The following ARHGEF11 variants were observed in gnomAD, a reference collection of about 807,000 sequenced individuals.
ARHGEF11 encodes Rho guanine nucleotide exchange factor 11.
Under a neutral mutation model 193.7 loss-of-function variants are expected in ARHGEF11, and 55 were observed. The observed-to-expected ratio is 0.28, with a 90% CI of 0.23 to 0.36. The LOEUF (loss-of-function observed/expected upper bound fraction) is 0.36. ARHGEF11 is among the 10% of genes least tolerant of loss of function. The pLI is 1.00. For synonymous variants in ARHGEF11, 693 were observed against 768.0 expected, an observed-to-expected ratio of 0.90 and a Z score of 1.62; for missense variants, 1,723 against 2,005.6, an observed-to-expected ratio of 0.86 and a Z score of 2.69.
At chr1:156,976,674 T>C (rs746111112) in intron 7 of ARHGEF11, among the ~76,000 whole-genome samples, 49 of 152,184 alleles carry the variant, frequency 3.2e-4, no homozygotes, top group Non-Finnish European at 2.1e-4. Context: ...TACCCATCCC[T>C]TTCTTCCCTC....
rs182486260 is a variant in ARHGEF11, at chr1:157,026,095, T to C, written c.32+18204A>G. Among the ~76,000 whole-genome samples the C allele has an allele frequency of 2.5e-3, 375 of 152,302 alleles. 2 individuals carry two copies. The highest frequency in any genetic ancestry group is 4.3e-3 in the Non-Finnish European group (293 of 68,024). On this transcript the variant is annotated intron_variant, in intron 1 of 40. Transcript: ENST00000368194. ...AAAATAAAATGAAGCCAATTCTCAG[T>C]GAAGAGTCCCTGATGACGTAAGTAT...
At chr1:156,939,950 T>C (rs1180253776) in intron 36 of ARHGEF11, 40 bp from the exon 37 acceptor site, 1 of 1,589,400 alleles carries the variant, frequency 6.3e-7, no homozygotes, top group Non-Finnish European at 8.5e-7. Flanking sequence ...AGCATGGGAC[T>C]GCACACCACG....
intron 21 of ARHGEF11, 27 bp from the exon 22 acceptor site, chr1:156,951,726 A>C (rs1273502867): frequency 1.9e-6 from 3 of 1,613,634 alleles, no homozygotes; most frequent in Non-Finnish European, 8.5e-7. Flanking sequence ...AATGAAGGAC[A>C]CTAGGCTTGC....
intron 22 of ARHGEF11, chr1:156,949,135 G>T (rs1000592788): frequency 2.0e-6 from 2 of 984,434 alleles, no homozygotes; most frequent in Non-Finnish European, 2.4e-6. Context: ...CTGTTCCTAA[G>T]ATTCCATTTC....
At chr1:156,936,459 A>T (rs1655146574) in intron 40 of ARHGEF11, among the ~76,000 whole-genome samples, 1 of 135,844 alleles carries the variant, frequency 7.4e-6, no homozygotes, top group Admixed American at 7.9e-5. Context: ...TAGCCAGGCC[A>T]GCCCTTGTCT....
At chr1:156,974,732 C>A (rs1368159061) in intron 7 of ARHGEF11, among the ~76,000 whole-genome samples, 1 of 152,188 alleles carries the variant, frequency 6.6e-6, no homozygotes, top group Non-Finnish European at 1.5e-5. Context: ...CTGCATATTT[C>A]GGACACTCCA....
At chr1:156,944,680 C>T (rs1189366459) in intron 30 of ARHGEF11, among the ~76,000 whole-genome samples, 1 of 152,212 alleles carries the variant, frequency 6.6e-6, no homozygotes, top group African/African-American at 2.4e-5. Flanking sequence ...CTACCACGTG[C>T]CAGCTACAGT....
intron 1 of ARHGEF11, among the ~76,000 whole-genome samples, chr1:156,989,599 C>T (rs1223078624): frequency 4.6e-5 from 7 of 152,214 alleles, no homozygotes; most frequent in Non-Finnish European, 8.8e-5. Flanking sequence ...GGATCCTAAG[C>T]GATGCTATAC....
chr1:156,951,429 T>C (rs1191535031), intron 22 of ARHGEF11, 144 bp downstream of exon 22: 9 of 1,089,512 alleles, frequency 8.3e-6, no homozygotes, highest in Non-Finnish European at 1.2e-5. Flanking sequence ...CTCCTGAAGA[T>C]ACTGGGGGTG....
At chr1:157,029,155 G>C (rs1670993726) in intron 1 of ARHGEF11, among the ~76,000 whole-genome samples, 1 of 141,096 alleles carries the variant, frequency 7.1e-6, no homozygotes, top group African/African-American at 2.7e-5. Flanking sequence ...CAACTGAAGT[G>C]AGACCCTGTC....
At chr1:156,986,017 C>G in intron 2 of ARHGEF11, 65 bp downstream of exon 2, 1 of 1,374,428 alleles carries the variant, frequency 7.3e-7, no homozygotes, top group Non-Finnish European at 1.0e-6. Context: ...TCCCAAGTAG[C>G]TGGGAATACA....
In ARHGEF11 at chr1:156,977,062, T is replaced by C. The variant is rs757171503; in HGVS notation, c.511-8A>G. ...TTTTTGAACTTCGGGATCCTAGACA[T>C]GGAAAATATGGCAATATAAGAGTTA... On this transcript the variant is annotated splice_region_variant and splice_polypyrimidine_tract_variant and intron_variant, in intron 6 of 40. Coordinates refer to ENST00000368194, the MANE Select transcript of ARHGEF11 (RefSeq NM_198236.3). 2 of 1,613,042 alleles carry C rather than the reference T, an allele frequency of 1.2e-6. No homozygotes were observed. Among genetic ancestry groups the C allele is most frequent in the African/African-American group, 2.7e-5 (2 of 74,894 alleles).
intron 1 of ARHGEF11, among the ~76,000 whole-genome samples, chr1:157,017,708 A>G (rs1455376762): frequency 1.4e-5 from 2 of 139,450 alleles, no homozygotes; most frequent in Non-Finnish European, 3.0e-5. Context: ...CTCCGTCTCA[A>G]AAAAAAAAAA....
chr1:157,026,047 C>A (rs191041791), intron 1 of ARHGEF11, among the ~76,000 whole-genome samples: 4 of 152,296 alleles, frequency 2.6e-5, no homozygotes, highest in Non-Finnish European at 5.9e-5. Context: ...CTACATTCAC[C>A]AAATATTTGA....
intron 1 of ARHGEF11, among the ~76,000 whole-genome samples, chr1:157,031,769 C>T (rs1671340014): frequency 6.6e-6 from 1 of 152,180 alleles, no homozygotes; most frequent in African/African-American, 2.4e-5. Flanking sequence ...ACCCCTTGAG[C>T]AGAGAAGCCA....
chr1:156,959,273 T>G (rs1415595178), intron 15 of ARHGEF11, 131 bp from the exon 16 acceptor site: 1 of 736,492 alleles, frequency 1.4e-6, no homozygotes, highest in Non-Finnish European at 2.3e-6. Flanking sequence ...TCTGCCCTGT[T>G]AGTCTAAAAG....
chr1:156,956,928 A>G (rs1660040139), intron 18 of ARHGEF11, among the ~76,000 whole-genome samples: 1 of 152,148 alleles, frequency 6.6e-6, no homozygotes, highest in Admixed American at 6.5e-5. Context: ...GCAGATGTGG[A>G]GGACTGGCTG....
intron 1 of ARHGEF11, among the ~76,000 whole-genome samples, chr1:157,031,249 G>A (rs1413445664): frequency 6.6e-6 from 1 of 152,118 alleles, no homozygotes; most frequent in Non-Finnish European, 1.5e-5. Context: ...CAAATGGGAA[G>A]GAGGATCTTA....
At chr1:156,983,501 C>T (rs1360432561) in intron 3 of ARHGEF11, among the ~76,000 whole-genome samples, 2 of 152,228 alleles carry the variant, frequency 1.3e-5, no homozygotes, top group African/African-American at 2.4e-5. Flanking sequence ...AGATTACAGG[C>T]GTGAGCCACC....
Sources: gnomAD v4.1 joint callset for allele counts (sites outside exome capture counted in the v4.1 genomes callset) on GRCh38, gnomAD v4.1.1 for gene constraint, MANE v1.5 for transcripts, NCBI Gene and HGNC (gene_info 2026-07-23, HGNC 2026-07-21) for gene names.